Variants in KIAA0753 observed in about 807,000 individuals in gnomAD.
The protein encoded by KIAA0753 is protein moonraker.
Under a neutral mutation model 116.9 loss-of-function variants are expected in KIAA0753, and 114 were observed. The ratio of observed to expected loss-of-function variants is 0.98; its 90% confidence interval spans 0.84 to 1.14. KIAA0753 has a LOEUF of 1.14. Among genes scored for constraint, KIAA0753 ranks in the 50% most tolerant of loss-of-function variants. The pLI, the probability that KIAA0753 is intolerant of heterozygous loss-of-function variation, is 0.00. For synonymous variants in KIAA0753, 405 were observed against 413.1 expected (o/e 0.98, Z 0.24); for missense variants, 1,156 against 1,172.4 (o/e 0.99, Z 0.20).
rs755803286 is a variant in KIAA0753 at position 6,599,340 on chromosome 17, C to A, written c.2089-20G>T. 6.6e-7 allele frequency: 1 copy of A among 1,506,476 alleles called. No individual in the cohort carries two copies. Among genetic ancestry groups the A allele is most frequent in the Non-Finnish European group, 9.2e-7 (1 of 1,083,218 alleles). 93.3% of individuals were successfully genotyped at this position (1,506,476 alleles called of 1,614,324 possible). On this transcript the variant is annotated intron_variant, in intron 13 of 18. Coordinates refer to ENST00000361413, the MANE Select transcript of KIAA0753 (RefSeq NM_014804.3). ...GACTCTCTATTAAAACAGACAAATACATTCATGGAGTATAAAGACTTATAG... is the reference window on the plus strand; with the variant it reads ...GACTCTCTATTAAAACAGACAAATAAATTCATGGAGTATAAAGACTTATAG...
chr17:6,592,996 CTA>C (rs1451761295), intron 16 of KIAA0753, among the ~76,000 whole-genome samples: 1 of 151,896 alleles, frequency 6.6e-6, no homozygotes, highest in African/African-American at 2.4e-5. Flanking sequence ...AGTTGCACAA[CTA>C]TGTGAATATA....
chr17:6,608,561 A>T, intron 9 of KIAA0753, 97 bp from the exon 10 acceptor site: 3 of 556,124 alleles, frequency 5.4e-6, no homozygotes, highest in Non-Finnish European at 9.1e-6. Context: ...ACAGCATTAA[A>T]TTAATGGTGA....
intron 16 of KIAA0753, among the ~76,000 whole-genome samples, chr17:6,593,176 C>T (rs781393000): frequency 5.9e-5 from 9 of 152,092 alleles, no homozygotes; most frequent in Admixed American, 3.9e-4. Flanking sequence ...GACAAGCAAC[C>T]CCAAAAAAAA....
intron 16 of KIAA0753, among the ~76,000 whole-genome samples, chr17:6,591,052 A>AGGAAGAAGGAAGAAGGAAGAAGGAAGAAG: frequency 1.8e-5 from 1 of 54,594 alleles, no homozygotes; most frequent in South Asian, 5.4e-4. Context: ...AAGAAGAAGA[A>AGGAAGAAGGAAGAAGGAAGAAGGAAGAAG]GAAGAAGAAG....
chr17:6,586,176 C>T (rs1354617839), intron 18 of KIAA0753, among the ~76,000 whole-genome samples: 3 of 152,204 alleles, frequency 2.0e-5, no homozygotes, highest in African/African-American at 4.8e-5. Flanking sequence ...CTGTTCCCCA[C>T]TTTGTCTTCT....
At chr17:6,613,479 C>A (rs1448139451) in intron 7 of KIAA0753, among the ~76,000 whole-genome samples, 1 of 151,896 alleles carries the variant, frequency 6.6e-6, no homozygotes, top group African/African-American at 2.4e-5. Flanking sequence ...GAACAACCAA[C>A]AAAGTGGGGA....
intron 1 of KIAA0753, chr17:6,636,047 C>CT (rs1972302108): frequency 6.6e-6 from 1 of 152,166 alleles, no homozygotes; most frequent in African/African-American, 2.4e-5. Context: ...TTTCTGTGAA[C>CT]TGACTAGTTT....
At position 6,639,034 on chromosome 17, in the gene KIAA0753, C is replaced by G. The variant is rs369031249; in HGVS notation, c.-69+1603G>C. ...CCTTTCCCTGAACCCTGGGTCACCT[C>G]CACATCTAGTTTCCTCTTCAGCAGC... On this transcript the variant is annotated intron_variant, in intron 1 of 18. Coordinates refer to ENST00000361413, the MANE Select transcript of KIAA0753 (RefSeq NM_014804.3). The surrounding 1 kb of genome is among the most constrained non-coding windows in gnomAD (Gnocchi z 4.3). 122 of 153,148 alleles carry G rather than the reference C, an allele frequency of 8.0e-4. No individual in the cohort carries two copies. Among genetic ancestry groups the G allele is most frequent in the African/African-American group, 2.7e-3 (112 of 41,498 alleles). 9.5% of individuals were successfully genotyped at this position (153,148 alleles called of 1,614,324 possible).
intron 7 of KIAA0753, among the ~76,000 whole-genome samples, chr17:6,612,497 G>T (rs781637251): frequency 6.6e-6 from 1 of 152,216 alleles, no homozygotes; most frequent in Non-Finnish European, 1.5e-5. Context: ...GAATAACAGT[G>T]TCTCCTAACT....
chr17:6,593,525 C>T (rs914457507), intron 16 of KIAA0753, among the ~76,000 whole-genome samples: 3 of 150,244 alleles, frequency 2.0e-5, no homozygotes, highest in African/African-American at 4.9e-5. Context: ...GGAGGCCAGG[C>T]GCAATGGCTC....
intron 16 of KIAA0753, among the ~76,000 whole-genome samples, chr17:6,593,929 T>C (rs1369794587): frequency 6.6e-6 from 1 of 152,176 alleles, no homozygotes; most frequent in African/African-American, 2.4e-5. Context: ...ATATCATTAT[T>C]CACCTTCACC....
intron 3 of KIAA0753, among the ~76,000 whole-genome samples, chr17:6,626,539 G>T (rs923282596): frequency 5.5e-4 from 83 of 152,118 alleles, no homozygotes; most frequent in South Asian, 1.0e-3. Flanking sequence ...TAGGTGGGGG[G>T]TTTGAAGGCT....
At chr17:6,595,154 C>T (rs1308540262) in intron 15 of KIAA0753, 101 bp from the exon 16 acceptor site, 19 of 751,614 alleles carry the variant, frequency 2.5e-5, no homozygotes, top group Middle Eastern at 3.8e-4. Flanking sequence ...ACAACTGATA[C>T]GGACGTACTG....
intron 7 of KIAA0753, among the ~76,000 whole-genome samples, chr17:6,619,636 A>G (rs1971170252): frequency 6.6e-6 from 1 of 152,208 alleles, no homozygotes; most frequent in Non-Finnish European, 1.5e-5. Flanking sequence ...TATGTTGCCC[A>G]GGCTGGTCCC....
At chr17:6,615,402 G>A (rs1020874783) in intron 7 of KIAA0753, among the ~76,000 whole-genome samples, 4 of 151,966 alleles carry the variant, frequency 2.6e-5, no homozygotes, top group African/African-American at 4.8e-5. Flanking sequence ...TGATGCTGGC[G>A]ATTCAGATAT....
rs549267409 is a variant in KIAA0753 at position 6,630,797 on chromosome 17, T to G, written c.94-2056A>C. Among the ~76,000 whole-genome samples, 7 of 152,280 alleles carry G rather than the reference T, an allele frequency of 4.6e-5. No individual in the cohort carries two copies. The South Asian group carries it at 1.2e-3, about 27-fold the overall frequency. On this transcript the variant is annotated intron_variant, in intron 2 of 18. Transcript: ENST00000361413. The stretch of plus-strand genomic sequence containing the variant: ...CTTCTATGAATTAATGTGGAGAGAT[T>G]GGAATATATTGTTCAGCAGAAAGCA...
intron 16 of KIAA0753, among the ~76,000 whole-genome samples, chr17:6,593,350 G>A (rs543133783): frequency 3.3e-5 from 5 of 152,326 alleles, no homozygotes; most frequent in African/African-American, 9.6e-5. Flanking sequence ...GAGGCCGGGC[G>A]CAATGGCTCA....
Position 6,624,554 on chromosome 17 carries a change from A to ACG in KIAA0753, c.825+200_825+201insCG, listed in dbSNP as rs112439852. Among the ~76,000 whole-genome samples the ACG allele has an allele frequency of 0.078, 11,792 of 151,822 alleles. 511 individuals carry two copies. The highest frequency in any genetic ancestry group is 0.11 in the Non-Finnish European group (7,225 of 67,900). On this transcript the variant is annotated intron_variant, in intron 4 of 18. Coordinates refer to ENST00000361413, the MANE Select transcript of KIAA0753 (RefSeq NM_014804.3). ...TTTGGCGCCACACACACACACACAC[A>ACG]CACACACACACACACACGCAGATTA... is the stretch of plus-strand genomic sequence containing the variant.
intron 18 of KIAA0753, among the ~76,000 whole-genome samples, chr17:6,580,766 C>T (rs142455183): frequency 1.1e-4 from 16 of 152,074 alleles, no homozygotes; most frequent in African/African-American, 3.6e-4. Flanking sequence ...AAACCAGAGG[C>T]GACCAGAAAC....
Sources: allele counts gnomAD v4.1 joint callset (sites outside exome capture counted in the v4.1 genomes callset), GRCh38; gene constraint gnomAD v4.1.1; non-coding constraint Gnocchi (gnomAD v3.1); transcripts MANE v1.5; gene names NCBI Gene and HGNC (gene_info 2026-07-23, HGNC 2026-07-21).